HSPA14: variants seen among roughly 807,000 people sequenced by gnomAD.
HSPA14 encodes the protein heat shock protein family A (Hsp70) member 14.
A neutral mutation model predicts 65.5 loss-of-function variants in HSPA14; 37 were observed. The ratio of observed to expected loss-of-function variants is 0.56; its 90% CI spans 0.43 to 0.74. The LOEUF (loss-of-function observed/expected upper bound fraction) is 0.74. HSPA14 is among the 30% of genes least tolerant of loss of function. The probability of loss-of-function intolerance (pLI) is 0.00; values close to 1 mark genes in which losing one functional copy is unlikely to be tolerated. For missense variants in HSPA14, 564 were observed against 607.6 expected (o/e 0.93, Z 0.75); for synonymous variants, 203 against 214.2 (o/e 0.95, Z 0.46).
chr10:14,844,040 A>G, intron 3 of HSPA14: 2 of 1,440,910 alleles, frequency 1.4e-6, no homozygotes, highest in Non-Finnish European at 1.8e-6. Context: ...AATAATTGCT[A>G]GTTCATTTTC....
In HSPA14 at chr10:14,854,219, A is replaced by C. The variant is rs1408319743; in HGVS notation, c.829A>C (p.Ser277Arg). 6.2e-7 allele frequency: 1 copy of C among 1,613,832 alleles called. No homozygotes were observed. Among genetic ancestry groups the C allele is most frequent in the Non-Finnish European group, 8.5e-7 (1 of 1,179,894 alleles). The change falls in exon 9 of 14, where the codon AGT becomes CGT. Residue 277 changes from serine (S) to arginine (R), a missense_variant. By Grantham distance (110) the Ser-to-Arg change is moderately radical. Transcript: ENST00000378372. ...GAAACATTCTTTGTCAACCTTGGGA[A>C]GTGCCAACTGTTTTCTTGACTCATT... ...VAKHSLSTLG[S>R]ANCFLDSLYE...
intron 2 of HSPA14, 34 bp from the exon 3 acceptor site, chr10:14,840,041 A>AATAT (rs140243251): frequency 1.9e-4 from 229 of 1,194,510 alleles, no homozygotes; most frequent in Admixed American, 6.9e-4. Flanking sequence ...CATACATTGT[A>AATAT]ATATATATAT....
At chr10:14,847,829 A>G (rs1325880760) in intron 3 of HSPA14, among the ~76,000 whole-genome samples, 1 of 152,236 alleles carries the variant, frequency 6.6e-6, no homozygotes, top group African/African-American at 2.4e-5. Context: ...AGAGATTTCT[A>G]TCCCGCTCAA....
chr10:14,848,796 GA>G lies in HSPA14; in HGVS notation c.284del (p.Asn95MetfsTer8), dbSNP rs760011797. On this transcript the variant is annotated frameshift_variant, in exon 5 of 14. Transcript: ENST00000378372. LOFTEE classifies it high-confidence loss of function. ...ATTGTAATTTATTTTATAGGTCATT[GA>G]AAAAAATGGGAAATTACGATATGAA... is the stretch of plus-strand genomic sequence containing the variant. ...YIAESKCLVI[E>X]KNGKLRYEID... The G allele has an allele frequency of 2.6e-6, 4 of 1,547,506 alleles. No individual in the cohort carries two copies. Among genetic ancestry groups the G allele is most frequent in the Admixed American group, 3.6e-5 (2 of 55,056 alleles).
chr10:14,846,826 G>C (rs1834061200), intron 3 of HSPA14: 1 of 985,226 alleles, frequency 1.0e-6, no homozygotes, highest in Non-Finnish European at 1.2e-6. Context: ...ATTCAAGTAG[G>C]AGGAGGAAGA....
At chr10:14,850,949 G>T (rs1057376741) in intron 6 of HSPA14, 1 of 232,516 alleles carries the variant, frequency 4.3e-6, no homozygotes, top group Non-Finnish European at 8.2e-6. Context: ...GGATATTTTT[G>T]AGAGCTTTAT....
chr10:14,844,223 C>T, intron 3 of HSPA14: 1 of 1,101,766 alleles, frequency 9.1e-7, no homozygotes, highest in Non-Finnish European at 1.1e-6. Flanking sequence ...AATAATAACT[C>T]CTGCCCTGCC....
At chr10:14,841,356 C>T (rs1833968865) in intron 3 of HSPA14, 1 of 152,090 alleles carries the variant, frequency 6.6e-6, no homozygotes, top group African/African-American at 2.4e-5. Context: ...TCTTCAAGCC[C>T]AAATCACTGA....
At chr10:14,848,579 T>C in intron 3 of HSPA14, 30 bp from the exon 4 acceptor site, 1 of 1,546,170 alleles carries the variant, frequency 6.5e-7, no homozygotes, top group Non-Finnish European at 8.9e-7. Flanking sequence ...ATTTTAATAC[T>C]TAGCTATCTT....
intron 3 of HSPA14, chr10:14,845,776 AG>A (rs1031550489): frequency 5.9e-6 from 1 of 170,290 alleles, no homozygotes; most frequent in Admixed American, 6.6e-5. Flanking sequence ...TGGCCAGGCT[AG>A]TCTTGAACTC....
At chr10:14,844,037 G>A in intron 3 of HSPA14, 1 of 1,441,282 alleles carries the variant, frequency 6.9e-7, no homozygotes, top group Non-Finnish European at 9.0e-7. Context: ...GAAAATAATT[G>A]CTAGTTCATT....
intron 8 of HSPA14, 147 bp downstream of exon 8, chr10:14,852,678 A>G: frequency 1.4e-6 from 1 of 697,026 alleles, no homozygotes; most frequent in South Asian, 2.0e-5. Flanking sequence ...TTTCATATCT[A>G]GAGTTATGTC....
Position 14,842,928 on chromosome 10 carries a change from C to G in HSPA14, c.221+2771C>G. The G allele has an allele frequency of 2.0e-6, 2 of 1,012,248 alleles. No individual in the cohort carries two copies. The highest frequency in any genetic ancestry group is 2.8e-6 in the Non-Finnish European group (2 of 707,908). The allele number at this position is 1,012,248 out of a possible 1,614,324, so 62.7% of individuals were successfully genotyped here. A position where few individuals can be genotyped will look rare whatever the true frequency, so the allele number is the denominator to read the frequency against. On this transcript the variant is annotated intron_variant, in intron 3 of 13. Coordinates refer to ENST00000378372, the MANE Select transcript of HSPA14 (RefSeq NM_016299.4). The surrounding 1 kb of genome is among the most constrained non-coding windows in gnomAD (Gnocchi z 5.2). ...TAGCTGTGTCTGTTTGGATAGTGTC[C>G]TCTTCAGCATAGTTCCTGTTTCTGC...
intron 6 of HSPA14, chr10:14,851,018 A>G (rs1055907882): frequency 2.1e-6 from 1 of 467,434 alleles, no homozygotes. Flanking sequence ...GGCTCTGAAC[A>G]TTACAATTTT....
Position 14,838,622 on chromosome 10 carries a change from T to C in HSPA14, c.57+163T>C, listed in dbSNP as rs1487858049. 16 of 646,578 alleles carry C rather than the reference T, an allele frequency of 2.5e-5. No individual in the cohort carries two copies. The South Asian group carries it at 3.4e-4, about 14-fold the overall frequency. The allele number at this position is 646,578 out of a possible 1,614,324, so 40.1% of individuals were successfully genotyped here. On this transcript the variant is annotated intron_variant, in intron 1 of 13. Transcript: ENST00000378372. Reference sequence around the variant, plus strand: ...AGCGAAGGGCCGGGCAGGCCCGGCCTCGCGCCTGGCGATTCCTCCGGAAAG... The same window carrying C: ...AGCGAAGGGCCGGGCAGGCCCGGCCCCGCGCCTGGCGATTCCTCCGGAAAG...
intron 9 of HSPA14, 92 bp downstream of exon 9, chr10:14,854,372 GTTTGAGA>G: frequency 9.3e-7 from 1 of 1,080,554 alleles, no homozygotes; most frequent in Non-Finnish European, 1.3e-6. Flanking sequence ...TTGTTTGTTT[GTTTGAGA>G]TTTATCAACC....
Position 14,871,714 on chromosome 10 carries a change from G to T in HSPA14, c.*108G>T. 7.5e-6 allele frequency: 4 copies of T among 534,358 alleles called. No homozygotes were observed. Among genetic ancestry groups the T allele is most frequent in the East Asian group, 3.5e-5 (1 of 28,292 alleles). 33.1% of individuals were successfully genotyped at this position (534,358 alleles called of 1,614,324 possible). On this transcript the variant is annotated 3_prime_UTR_variant, in exon 14 of 14. Transcript: ENST00000378372. ...TTTTTCAATGAACTGTATAAACTAT[G>T]TTTTATTAAACTACAATATATCAGT...
chr10:14,853,974 C>T (rs1834126564), intron 8 of HSPA14, 151 bp from the exon 9 acceptor site: 1 of 598,462 alleles, frequency 1.7e-6, no homozygotes, highest in South Asian at 2.7e-5. Flanking sequence ...CCCATCTCAG[C>T]CTCCCAAAGT....
chr10:14,844,525 T>TA, intron 3 of HSPA14: 1 of 987,226 alleles, frequency 1.0e-6, no homozygotes, highest in South Asian at 4.7e-5. Context: ...CTTAATCTCT[T>TA]ACATTTCCAC....
Sources: allele counts gnomAD v4.1 joint callset (sites outside exome capture counted in the v4.1 genomes callset), GRCh38; gene constraint gnomAD v4.1.1; non-coding constraint Gnocchi (gnomAD v3.1); transcripts MANE v1.5; gene names NCBI Gene and HGNC (gene_info 2026-07-23, HGNC 2026-07-21).